Variants in UNC5C observed in about 807,000 individuals in gnomAD.
UNC5C encodes netrin receptor UNC5C.
A neutral mutation model predicts 99.8 loss-of-function variants in UNC5C; 47 were observed. That is an observed-to-expected ratio of 0.47 (90% CI 0.37 to 0.60). UNC5C has a LOEUF of 0.60. Ranked by LOEUF, UNC5C falls within the 20% of genes least tolerant of loss-of-function variation. The probability of loss-of-function intolerance (pLI) is 0.00; values close to 1 mark genes in which losing one functional copy is unlikely to be tolerated. For missense variants in UNC5C, 1,062 were observed against 1,165.9 expected, an observed-to-expected ratio of 0.91 and a Z score of 1.30; for synonymous variants, 487 against 452.2, an observed-to-expected ratio of 1.08 and a Z score of -0.98.
intron 1 of UNC5C, among the ~76,000 whole-genome samples, chr4:95,455,437 G>A (rs1747400234): frequency 2.6e-5 from 4 of 151,996 alleles, no homozygotes; most frequent in Admixed American, 2.6e-4. Context: ...GGGAGGTTGA[G>A]GCAGGAGCAT....
chr4:95,442,658 C>A (rs916140311), intron 1 of UNC5C, among the ~76,000 whole-genome samples: 1 of 152,064 alleles, frequency 6.6e-6, no homozygotes, highest in Non-Finnish European at 1.5e-5. Flanking sequence ...TTCTATTATT[C>A]ACAGCTGGAA....
intron 1 of UNC5C, among the ~76,000 whole-genome samples, chr4:95,429,294 A>AAC (rs1553971813): frequency 1.0e-3 from 155 of 149,398 alleles, no homozygotes; most frequent in Middle Eastern, 3.5e-3. Flanking sequence ...AAAAAAAAAA[A>AAC]AAACAAACAA....
rs1184768328 is a variant in UNC5C at position 95,168,523 on chromosome 4, A to C, written c.*711T>G. 6.6e-6 allele frequency: 1 copy of C among 152,656 alleles called. No homozygotes were observed. The highest frequency in any genetic ancestry group is 2.1e-4 in the South Asian group (1 of 4,832). 9.5% of individuals were successfully genotyped at this position (152,656 alleles called of 1,614,324 possible). On this transcript the variant is annotated 3_prime_UTR_variant, in exon 16 of 16. Coordinates refer to ENST00000453304, the MANE Select transcript of UNC5C (RefSeq NM_003728.4). ...TGCTTGTTTGTGGGGTTGAACATGA[A>C]TCACTGTCTTCCCTGCAGTGCTACA...
intron 1 of UNC5C, among the ~76,000 whole-genome samples, chr4:95,495,806 G>A (rs954150597): frequency 3.3e-5 from 5 of 151,478 alleles, no homozygotes; most frequent in African/African-American, 7.3e-5. Context: ...AAACTCTGTC[G>A]ACTACAGAAG....
At chr4:95,251,202 C>T (rs920351639) in intron 4 of UNC5C, among the ~76,000 whole-genome samples, 11 of 152,200 alleles carry the variant, frequency 7.2e-5, no homozygotes. Flanking sequence ...CGTGTAGCCT[C>T]ACTGAAACGT....
At chr4:95,179,964 T>C (rs1736544178) in intron 14 of UNC5C, among the ~76,000 whole-genome samples, 1 of 151,704 alleles carries the variant, frequency 6.6e-6, no homozygotes, top group African/African-American at 2.4e-5. Flanking sequence ...TTTATTTTGA[T>C]TGATGATAGA....
At chr4:95,434,299 T>C (rs571542725) in intron 1 of UNC5C, among the ~76,000 whole-genome samples, 101 of 152,208 alleles carry the variant, frequency 6.6e-4, no homozygotes, top group African/African-American at 2.2e-3. Flanking sequence ...AAATTTATCT[T>C]TTATCTCTTC....
chr4:95,192,220 GCCCTCCTCTGCTCA>G (rs532431928), intron 12 of UNC5C, among the ~76,000 whole-genome samples: 74 of 96,666 alleles, frequency 7.7e-4, no homozygotes, highest in Admixed American at 3.9e-3. Context: ...TCTTTTGCTC[GCCCTCCTCTGCTCA>G]CCCTCCTCCC....
At chr4:95,513,739 C>T (rs1460269103) in intron 1 of UNC5C, among the ~76,000 whole-genome samples, 1 of 152,122 alleles carries the variant, frequency 6.6e-6, no homozygotes, top group Non-Finnish European at 1.5e-5. Flanking sequence ...TGGCAAAAGC[C>T]TTTTGAATAT....
At chr4:95,374,621 C>T (rs1163866954) in intron 1 of UNC5C, among the ~76,000 whole-genome samples, 3 of 152,068 alleles carry the variant, frequency 2.0e-5, no homozygotes, top group Non-Finnish European at 4.4e-5. Flanking sequence ...GCAGAAAATT[C>T]TGGAATCTTG....
At chr4:95,217,213 A>G (rs903596901) in intron 9 of UNC5C, among the ~76,000 whole-genome samples, 1 of 152,244 alleles carries the variant, frequency 6.6e-6, no homozygotes, top group Non-Finnish European at 1.5e-5. Flanking sequence ...TAGCGAGGAA[A>G]TGGAATATGC....
In UNC5C at chr4:95,384,542, C is replaced by G. The variant is rs559115754; in HGVS notation, c.125-48911G>C. Among the ~76,000 whole-genome samples the G allele has an allele frequency of 2.6e-5, 4 of 152,138 alleles. No individual in the cohort carries two copies. The East Asian group carries it at 7.7e-4, about 29-fold the overall frequency. On this transcript the variant is annotated intron_variant, in intron 1 of 15. Coordinates refer to ENST00000453304, the MANE Select transcript of UNC5C (RefSeq NM_003728.4). ...GTCCAGGAGTGTGGTAAAGCTGGAC[C>G]ACAGTCAACACTGCATGAGTGTAGA...
intron 1 of UNC5C, among the ~76,000 whole-genome samples, chr4:95,353,437 A>C (rs1347106457): frequency 6.6e-6 from 1 of 151,986 alleles, no homozygotes; most frequent in Non-Finnish European, 1.5e-5. Flanking sequence ...TAATATTATA[A>C]AAATTAAGTA....
intron 10 of UNC5C, among the ~76,000 whole-genome samples, chr4:95,209,274 G>A (rs1737992593): frequency 1.3e-5 from 2 of 152,188 alleles, no homozygotes; most frequent in African/African-American, 2.4e-5. Flanking sequence ...CACAAGACTT[G>A]TGTGTTTTAT....
intron 2 of UNC5C, among the ~76,000 whole-genome samples, chr4:95,334,173 T>C (rs1743238138): frequency 1.3e-5 from 2 of 152,052 alleles, no homozygotes; most frequent in Non-Finnish European, 2.9e-5. Flanking sequence ...AGTCCTCTCA[T>C]AGTCTGTTCT....
intron 1 of UNC5C, among the ~76,000 whole-genome samples, chr4:95,482,818 A>G (rs1415612762): frequency 8.2e-6 from 1 of 121,916 alleles, no homozygotes; most frequent in Non-Finnish European, 1.7e-5. Context: ...ATGAGAACAC[A>G]TGGACACAGG....
chr4:95,444,743 T>A (rs1464447603), intron 1 of UNC5C, among the ~76,000 whole-genome samples: 1 of 152,108 alleles, frequency 6.6e-6, no homozygotes, highest in Non-Finnish European at 1.5e-5. Context: ...AATCAATAAC[T>A]TTCCTCCATT....
At chr4:95,482,789 C>T (rs1268196059) in intron 1 of UNC5C, among the ~76,000 whole-genome samples, 1 of 121,246 alleles carries the variant, frequency 8.2e-6, no homozygotes, top group African/African-American at 3.5e-5. Flanking sequence ...TGTTCTCACT[C>T]ATAGATGGGA....
chr4:95,386,954 G>T (rs555249599), intron 1 of UNC5C, among the ~76,000 whole-genome samples: 37 of 152,200 alleles, frequency 2.4e-4, no homozygotes, highest in African/African-American at 8.9e-4. Context: ...ATATGCCAAG[G>T]CTTGGACATT....
Sources: allele counts gnomAD v4.1 joint callset (sites outside exome capture counted in the v4.1 genomes callset), GRCh38; gene constraint gnomAD v4.1.1; transcripts MANE v1.5; gene names NCBI Gene and HGNC (gene_info 2026-07-23, HGNC 2026-07-21).